Variants in ZNF407 observed in about 807,000 individuals in gnomAD.
The protein encoded by ZNF407 is zinc finger protein 407.
Under a neutral mutation model 131.2 loss-of-function variants are expected in ZNF407, and 17 were observed. That is an observed-to-expected ratio of 0.13 (90% CI 0.09 to 0.19). The LOEUF (loss-of-function observed/expected upper bound fraction) is 0.19. Ranked by LOEUF, ZNF407 falls within the 10% of genes least tolerant of loss-of-function variation. The probability of loss-of-function intolerance (pLI) is 1.00; values close to 1 mark genes in which losing one functional copy is unlikely to be tolerated. For missense variants in ZNF407, 2,681 were observed against 2,830.6 expected, an observed-to-expected ratio of 0.95 and a Z score of 1.20; for synonymous variants, 1,156 against 1,062.0, an observed-to-expected ratio of 1.09 and a Z score of -1.72.
intron 3 of ZNF407, among the ~76,000 whole-genome samples, chr18:74,674,617 A>G (rs1049841530): frequency 6.6e-6 from 1 of 152,046 alleles, no homozygotes; most frequent in Non-Finnish European, 1.5e-5. Flanking sequence ...CTCTACCACT[A>G]TCTCTACCTA....
At chr18:74,969,292 G>A (rs769769672) in intron 8 of ZNF407, among the ~76,000 whole-genome samples, 14 of 152,114 alleles carry the variant, frequency 9.2e-5, no homozygotes, top group Admixed American at 5.2e-4. Flanking sequence ...CCTCATTCAT[G>A]TTGAGATTTT....
At chr18:74,615,065 G>T (rs1193413440) in intron 1 of ZNF407, among the ~76,000 whole-genome samples, 1 of 152,166 alleles carries the variant, frequency 6.6e-6, no homozygotes, top group Non-Finnish European at 1.5e-5. Flanking sequence ...CCTCTTCCAT[G>T]CTTACTTTCT....
Position 74,776,214 on chromosome 18 carries a change from A to G in ZNF407, c.4803-5214A>G, listed in dbSNP as rs145055834. Among the ~76,000 whole-genome samples, 6 of 152,330 alleles carry G rather than the reference A, an allele frequency of 3.9e-5. No individual in the cohort carries two copies. In the East Asian group the frequency reaches 1.2e-3, roughly 29 times the overall value. On this transcript the variant is annotated intron_variant, in intron 3 of 8. Transcript: ENST00000299687. ...CCCCTTCTGCCTTGTGTGGACACAT[A>G]GAAGACGCCCTAAGGGGAACGGGCC... is the stretch of plus-strand genomic sequence containing the variant.
chr18:74,674,054 T>G (rs575373574), intron 3 of ZNF407, among the ~76,000 whole-genome samples: 173 of 152,344 alleles, frequency 1.1e-3, no homozygotes, highest in African/African-American at 3.8e-3. Flanking sequence ...GTATGATGCA[T>G]TTTACGATTA....
At chr18:74,908,775 G>A (rs559943925) in intron 7 of ZNF407, among the ~76,000 whole-genome samples, 2 of 152,074 alleles carry the variant, frequency 1.3e-5, no homozygotes, top group Admixed American at 1.3e-4. Flanking sequence ...AACAAGCTCC[G>A]AGTTTATATA....
At chr18:74,611,417 A>G (rs1418816281) in intron 1 of ZNF407, among the ~76,000 whole-genome samples, 1 of 152,254 alleles carries the variant, frequency 6.6e-6, no homozygotes, top group Non-Finnish European at 1.5e-5. Flanking sequence ...CAGGGTGACT[A>G]CAAATCAGTA....
intron 8 of ZNF407, among the ~76,000 whole-genome samples, chr18:74,962,078 C>T (rs1176223272): frequency 1.3e-5 from 2 of 152,144 alleles, no homozygotes; most frequent in South Asian, 2.1e-4. Context: ...TTAATAAAGA[C>T]TTTAGTAATG....
chr18:74,797,111 C>A (rs1461259257), intron 4 of ZNF407, among the ~76,000 whole-genome samples: 2 of 152,096 alleles, frequency 1.3e-5, no homozygotes, highest in Non-Finnish European at 2.9e-5. Context: ...TGTCAGGAGG[C>A]TTTTTTATCA....
chr18:74,683,381 A>G (rs1026706553), intron 3 of ZNF407, among the ~76,000 whole-genome samples: 8 of 152,192 alleles, frequency 5.3e-5, no homozygotes, highest in African/African-American at 1.9e-4. Context: ...ACAACAAACT[A>G]TTAGGTCTGA....
chr18:74,654,259 A>G (rs1480606680), intron 3 of ZNF407, among the ~76,000 whole-genome samples: 2 of 151,846 alleles, frequency 1.3e-5, no homozygotes, highest in Admixed American at 6.6e-5. Context: ...AGTTAGTCCT[A>G]TTAGTCTCCC....
intron 3 of ZNF407, among the ~76,000 whole-genome samples, chr18:74,758,332 A>T (rs974430391): frequency 6.6e-6 from 1 of 152,130 alleles, no homozygotes; most frequent in African/African-American, 2.4e-5. Context: ...ATGTGTGTGT[A>T]TAAATTTTCT....
chr18:75,060,507 C>CTTTTTT (rs564194650), intron 8 of ZNF407, among the ~76,000 whole-genome samples: 2 of 124,462 alleles, frequency 1.6e-5, no homozygotes, highest in African/African-American at 3.1e-5. Flanking sequence ...TTCTTTTTTT[C>CTTTTTT]TTTTTTTTTT....
At position 75,065,050 on chromosome 18, in the gene ZNF407, G is replaced by A. The variant is rs1973697074; in HGVS notation, c.*582G>A. On this transcript the variant is annotated 3_prime_UTR_variant, in exon 9 of 9. Coordinates refer to ENST00000299687, the MANE Select transcript of ZNF407 (RefSeq NM_017757.3). The stretch of plus-strand genomic sequence containing the variant: ...TAACAGTGTCCCCATACCAAAGGAA[G>A]CCTGCTAGCTCATTTCATGTATAAA... The A allele has an allele frequency of 6.6e-6, 1 of 152,414 alleles. No homozygotes were observed. Among genetic ancestry groups the A allele is most frequent in the Non-Finnish European group, 1.5e-5 (1 of 68,042 alleles). 9.4% of individuals were successfully genotyped at this position (152,414 alleles called of 1,614,324 possible). A position where few individuals can be genotyped will look rare whatever the true frequency, so the allele number is the denominator to read the frequency against.
At chr18:74,881,983 T>G (rs563259116) in intron 6 of ZNF407, among the ~76,000 whole-genome samples, 12 of 152,282 alleles carry the variant, frequency 7.9e-5, no homozygotes, top group Admixed American at 3.9e-4. Context: ...GAAACTCCCC[T>G]TTTTAAAACC....
chr18:74,960,653 C>G (rs1436977969), intron 8 of ZNF407, among the ~76,000 whole-genome samples: 42 of 70,382 alleles, frequency 6.0e-4, no homozygotes, highest in African/African-American at 1.2e-3. Flanking sequence ...GGTCCTGAGT[C>G]AGTGCTGGGT....
chr18:74,859,950 C>T (rs1157810900), intron 4 of ZNF407, among the ~76,000 whole-genome samples: 1 of 152,144 alleles, frequency 6.6e-6, no homozygotes, highest in East Asian at 1.9e-4. Context: ...AAATGGTGTC[C>T]TCTCAACACA....
intron 4 of ZNF407, among the ~76,000 whole-genome samples, chr18:74,857,223 T>C (rs1225002431): frequency 6.6e-6 from 1 of 152,220 alleles, no homozygotes; most frequent in Admixed American, 6.5e-5. Context: ...GAGGCTGATA[T>C]TCGACGTGTT....
intron 4 of ZNF407, among the ~76,000 whole-genome samples, chr18:74,783,586 C>G (rs941495884): frequency 1.3e-5 from 2 of 150,690 alleles, no homozygotes; most frequent in African/African-American, 2.4e-5. Context: ...TCGTTACATT[C>G]TAGGATACTT....
Position 74,634,078 on chromosome 18 carries a change from T to C in ZNF407, c.3059T>C (p.Leu1020Ser). 6.2e-7 allele frequency: 1 copy of C among 1,614,076 alleles called. No homozygotes were observed. The highest frequency in any genetic ancestry group is 8.5e-7 in the Non-Finnish European group (1 of 1,179,906). The part of the protein sequence containing the change: ...DVTGTGENKC[L>S]HCEFSAHSSA... ...ACAGGCACAGGTGAGAATAAGTGTT[T>C]GCACTGTGAGTTTAGTGCTCACTCC... Residue 1020 changes from leucine (L) to serine (S), a missense_variant, in exon 2 of 9, where the codon TTG (leucine) becomes TCG (serine). By Grantham distance (145) the Leu-to-Ser change is moderately radical. Transcript: ENST00000299687.
Sources: gnomAD v4.1 joint callset for allele counts (sites outside exome capture counted in the v4.1 genomes callset) on GRCh38, gnomAD v4.1.1 for gene constraint, MANE v1.5 for transcripts, NCBI Gene and HGNC (gene_info 2026-07-23, HGNC 2026-07-21) for gene names.